TRIP13: variants seen among roughly 807,000 people sequenced by gnomAD.
TRIP13 encodes the protein thyroid hormone receptor interactor 13.
In TRIP13, 25 loss-of-function variants were observed where a neutral mutation model predicts 54.4. The ratio of observed to expected loss-of-function variants is 0.46; its 90% confidence interval spans 0.33 to 0.64. The LOEUF is 0.64. Among genes scored for constraint, TRIP13 ranks in the 30% least tolerant of loss-of-function variants. TRIP13 has a pLI of 0.02. For synonymous variants in TRIP13, 207 were observed against 207.8 expected (o/e 1.00, Z 0.03); for missense variants, 373 against 534.2 (o/e 0.70, Z 2.97).
chr5:916,797 G>A (rs1343598438), intron 12 of TRIP13, among the ~76,000 whole-genome samples: 4 of 152,126 alleles, frequency 2.6e-5, no homozygotes, highest in Non-Finnish European at 5.9e-5. Context: ...GGGGGCGGGG[G>A]TCACGTAGCC....
At chr5:903,200 G>A (rs554907334) in intron 5 of TRIP13, among the ~76,000 whole-genome samples, 2 of 152,160 alleles carry the variant, frequency 1.3e-5, no homozygotes, top group South Asian at 2.1e-4. Flanking sequence ...TGACACTGAC[G>A]CTACCATTAG....
Position 915,476 on chromosome 5 carries a change from C to T in TRIP13, c.1134-428C>T, listed in dbSNP as rs975348806. ...CCAGGCAGGTGATGCATTCCCTGAG[C>T]GCAAGGATGCTGGCCCTGGGGCAGA... On this transcript the variant is annotated intron_variant, in intron 11 of 12. Coordinates refer to ENST00000166345, the MANE Select transcript of TRIP13 (RefSeq NM_004237.4). The surrounding 1 kb of genome is among the most constrained non-coding windows in gnomAD (Gnocchi z 4.2). Among the ~76,000 whole-genome samples the T allele has an allele frequency of 1.5e-4, 22 of 149,076 alleles. No individual in the cohort carries two copies. The highest frequency in any genetic ancestry group is 2.8e-4 in the Non-Finnish European group (19 of 67,122).
At position 913,916 on chromosome 5, in the gene TRIP13, G is replaced by C. The variant is rs1579204094; in HGVS notation, c.1021-549G>C. Among the ~76,000 whole-genome samples the C allele has an allele frequency of 6.6e-6, 1 of 152,274 alleles. No individual in the cohort carries two copies. The highest frequency in any genetic ancestry group is 1.9e-4 in the East Asian group (1 of 5,178). On this transcript the variant is annotated intron_variant, in intron 10 of 12. Transcript: ENST00000166345. The surrounding 1 kb of genome is among the most constrained non-coding windows in gnomAD (Gnocchi z 4.5). ...GTGTGCGCACCTGACTGTTGGCAAGGCTGCTTGGAAAAGCATGACTTCCAG... is the reference window on the plus strand; with the variant it reads ...GTGTGCGCACCTGACTGTTGGCAAGCCTGCTTGGAAAAGCATGACTTCCAG...
rs537083519 is a variant in TRIP13 at position 915,058 on chromosome 5, G to T, written c.1133+481G>T. Among the ~76,000 whole-genome samples, 1 of 152,054 alleles carries T rather than the reference G, an allele frequency of 6.6e-6. No homozygotes were observed. Among genetic ancestry groups the T allele is most frequent in the African/African-American group, 2.4e-5 (1 of 41,372 alleles). On this transcript the variant is annotated intron_variant, in intron 11 of 12. Transcript: ENST00000166345. The surrounding 1 kb of genome is among the most constrained non-coding windows in gnomAD (Gnocchi z 4.2). ...GAGGCTGGGGAGGTGCCGGAGAGGCGGGGGGTGGAATGGACAGAGCCTCGG... is the reference window on the plus strand; with the variant it reads ...GAGGCTGGGGAGGTGCCGGAGAGGCTGGGGGTGGAATGGACAGAGCCTCGG...
rs536362015 is a variant in TRIP13, at chr5:910,764, C to T, written c.867-1079C>T. On this transcript the variant is annotated intron_variant, in intron 9 of 12. Coordinates refer to ENST00000166345, the MANE Select transcript of TRIP13 (RefSeq NM_004237.4). ...GGATTGTCAGCCCCTGGGTCGTGATCTGCAGGCCTAGGCCTCCCTCTGGCC... is the reference window on the plus strand; with the variant it reads ...GGATTGTCAGCCCCTGGGTCGTGATTTGCAGGCCTAGGCCTCCCTCTGGCC... Among the ~76,000 whole-genome samples, 96 of 152,358 alleles carry T rather than the reference C, an allele frequency of 6.3e-4. 1 individual carries two copies. Among genetic ancestry groups the T allele is most frequent in the South Asian group, 6.2e-4 (3 of 4,828 alleles).
At chr5:906,484 C>T (rs566517340) in intron 6 of TRIP13, among the ~76,000 whole-genome samples, 35 of 152,084 alleles carry the variant, frequency 2.3e-4, no homozygotes, top group Non-Finnish European at 4.7e-4. Context: ...CTCTTTTTTA[C>T]GTGGAATGCC....
At chr5:918,529 G>T (rs1754377342), downstream of TRIP13, among the ~76,000 whole-genome samples, 1 of 152,224 alleles carries the variant, frequency 6.6e-6, no homozygotes, top group African/African-American at 2.4e-5. The surrounding 1 kb of genome is among the most constrained non-coding windows in gnomAD (Gnocchi z 4.3). Context: ...ACAGTTGGGG[G>T]TGGGGTATAG....
chr5:916,681 T>G (rs2150693270), intron 12 of TRIP13, among the ~76,000 whole-genome samples: 1 of 152,260 alleles, frequency 6.6e-6, no homozygotes, highest in East Asian at 1.9e-4. Context: ...GGGTGGGCCC[T>G]CCAGGGTCTG....
chr5:892,937 C>T lies in TRIP13; in HGVS notation c.-62C>T. 6.5e-6 allele frequency: 9 copies of T among 1,389,254 alleles called. No individual in the cohort carries two copies. The highest frequency in any genetic ancestry group is 8.5e-6 in the Non-Finnish European group (9 of 1,062,764). The allele number at this position is 1,389,254 out of a possible 1,614,324, so 86.1% of individuals were successfully genotyped here. On this transcript the variant is annotated 5_prime_UTR_variant, in exon 1 of 13. In the 5' UTR this introduces an upstream ATG that the reference lacks. Coordinates refer to ENST00000166345, the MANE Select transcript of TRIP13 (RefSeq NM_004237.4). ...GCTGAGGCAGCGGCTGTGGCGGCGA[C>T]GCTGGGCGTGAGGTGGCGGCGGCCG...
chr5:909,608 A>G (rs951679257), intron 9 of TRIP13, among the ~76,000 whole-genome samples: 4 of 152,066 alleles, frequency 2.6e-5, no homozygotes, highest in African/African-American at 9.7e-5. Flanking sequence ...CACACACACA[A>G]ATATAGAGGT....
At chr5:896,611 C>T in intron 2 of TRIP13, 54 bp from the exon 3 acceptor site, 1 of 1,567,562 alleles carries the variant, frequency 6.4e-7, no homozygotes, top group Non-Finnish European at 8.7e-7. Flanking sequence ...TGTATGGTTG[C>T]AGTTAAGTGA....
At chr5:906,877 G>A (rs1754126061) in intron 6 of TRIP13, among the ~76,000 whole-genome samples, 1 of 152,186 alleles carries the variant, frequency 6.6e-6, no homozygotes, top group African/African-American at 2.4e-5. Flanking sequence ...AATATAATTT[G>A]TAAATAGATA....
intron 2 of TRIP13, 139 bp downstream of exon 2, chr5:895,091 T>G (rs920342343): frequency 2.2e-6 from 2 of 920,052 alleles, no homozygotes; most frequent in Non-Finnish European, 3.2e-6. Flanking sequence ...ACAAGTTCTT[T>G]TCACTAGCTG....
chr5:908,246 G>T lies in TRIP13; in HGVS notation c.760-109G>T. 7.0e-7 allele frequency: 1 copy of T among 1,434,168 alleles called. No individual in the cohort carries two copies. The highest frequency in any genetic ancestry group is 9.7e-7 in the Non-Finnish European group (1 of 1,031,956). 88.8% of individuals were successfully genotyped at this position (1,434,168 alleles called of 1,614,324 possible). On this transcript the variant is annotated intron_variant, in intron 8 of 12. Transcript: ENST00000166345. The surrounding 1 kb of genome is among the most constrained non-coding windows in gnomAD (Gnocchi z 5.2). ...CGCAGCATCCGCAGGCTAGGCACGGGAACACCCATTCATTCATCTTTTTCA... is the reference window on the plus strand; with the variant it reads ...CGCAGCATCCGCAGGCTAGGCACGGTAACACCCATTCATTCATCTTTTTCA...
intron 4 of TRIP13, among the ~76,000 whole-genome samples, chr5:900,861 C>T (rs548236140): frequency 3.3e-5 from 5 of 152,250 alleles, no homozygotes; most frequent in Admixed American, 3.3e-4. Context: ...GTGTCTTAAC[C>T]CCTGCACCCT....
rs748325512 is a variant in TRIP13, at chr5:917,145, A to C, written c.*42A>C. On this transcript the variant is annotated 3_prime_UTR_variant, in exon 13 of 13. Transcript: ENST00000166345. Reference sequence around the variant, plus strand: ...CTGGTGCTTTTCCCATGGAGAACACACAACCAGTAAGTGAGGTTGCCCCAC... The same window carrying C: ...CTGGTGCTTTTCCCATGGAGAACACCCAACCAGTAAGTGAGGTTGCCCCAC... 1 of 1,601,720 alleles carries C rather than the reference A, an allele frequency of 6.2e-7. No individual in the cohort carries two copies. Among genetic ancestry groups the C allele is most frequent in the South Asian group, 1.1e-5 (1 of 90,456 alleles).
intron 5 of TRIP13, among the ~76,000 whole-genome samples, chr5:903,041 C>G (rs538299414): frequency 7.2e-5 from 11 of 152,350 alleles, no homozygotes; most frequent in Admixed American, 1.3e-4. Flanking sequence ...AGCACAGCAT[C>G]ACAGGGAGAC....
At chr5:904,431 T>C (rs1263171328) in intron 6 of TRIP13, among the ~76,000 whole-genome samples, 3 of 152,252 alleles carry the variant, frequency 2.0e-5, no homozygotes, top group African/African-American at 7.2e-5. Context: ...TGATCTCTGC[T>C]GGTGAATTGC....
chr5:907,747 G>A lies in TRIP13; in HGVS notation c.673-241G>A, dbSNP rs957627474. ...CAGGTCACCCTCACTGTGCCGCCCC[G>A]GGCAGGTCAGGTGTGGTCTCAGGTC... On this transcript the variant is annotated intron_variant, in intron 7 of 12. Transcript: ENST00000166345. The surrounding 1 kb of genome is among the most constrained non-coding windows in gnomAD (Gnocchi z 4.1). Among the ~76,000 whole-genome samples the A allele has an allele frequency of 6.6e-6, 1 of 152,226 alleles. No individual in the cohort carries two copies. The highest frequency in any genetic ancestry group is 1.5e-5 in the Non-Finnish European group (1 of 68,038).
Sources: allele counts gnomAD v4.1 joint callset (sites outside exome capture counted in the v4.1 genomes callset), GRCh38; gene constraint gnomAD v4.1.1; non-coding constraint Gnocchi (gnomAD v3.1); transcripts MANE v1.5; gene names NCBI Gene and HGNC (gene_info 2026-07-23, HGNC 2026-07-21).